The following ENTPD6 variants were observed in gnomAD, a reference collection of about 807,000 sequenced individuals.
ENTPD6 encodes ectonucleoside triphosphate diphosphohydrolase 6, also known as CD39 antigen-like 2.
Under a neutral mutation model 61.5 loss-of-function variants are expected in ENTPD6, and 46 were observed. The ratio of observed to expected loss-of-function variants is 0.75; its 90% confidence interval spans 0.59 to 0.96. The LOEUF (loss-of-function observed/expected upper bound fraction) is 0.96, where lower values mean the gene tolerates loss of function less well. Among genes scored for constraint, ENTPD6 ranks in the 40% least tolerant of loss-of-function variants. The pLI, the probability that ENTPD6 is intolerant of heterozygous loss-of-function variation, is 0.00. For synonymous variants in ENTPD6, 252 were observed against 255.5 expected (o/e 0.99, Z 0.13); for missense variants, 612 against 629.0 (o/e 0.97, Z 0.29).
chr20:25,225,756 C>G lies in ENTPD6; in HGVS notation c.*159C>G, dbSNP rs1001781989. The G allele has an allele frequency of 2.6e-5, 16 of 626,420 alleles. No homozygotes were observed. The highest frequency in any genetic ancestry group is 3.9e-5 in the Non-Finnish European group (14 of 357,238). 38.8% of individuals were successfully genotyped at this position (626,420 alleles called of 1,614,324 possible). A position where few individuals can be genotyped will look rare whatever the true frequency, so the allele number is the denominator to read the frequency against. On this transcript the variant is annotated 3_prime_UTR_variant, in exon 15 of 15. Transcript: ENST00000376652. ...TGCAGAAGGCCTGGTGCTGCCCTGG[C>G]ATCAGCCTCTTCCAGTCACATCTGG... is the stretch of plus-strand genomic sequence containing the variant.
intron 11 of ENTPD6, chr20:25,221,800 C>G: frequency 3.9e-6 from 1 of 255,154 alleles, no homozygotes; most frequent in East Asian, 1.1e-4. Flanking sequence ...AATGTTCAAA[C>G]GCCATTCCCA....
At chr20:25,220,163 A>G (rs1427531292) in intron 10 of ENTPD6, among the ~76,000 whole-genome samples, 16 of 152,108 alleles carry the variant, frequency 1.1e-4, no homozygotes, top group Admixed American at 1.0e-3. Context: ...CTGTTTTGTT[A>G]CCGGTTATTG....
At chr20:25,196,288 G>GAATCGTCCT in intron 1 of ENTPD6, 1 of 984,550 alleles carries the variant, frequency 1.0e-6, no homozygotes, top group Non-Finnish European at 1.2e-6. Context: ...GACTGAGGGT[G>GAATCGTCCT]TAAGGACGAT....
chr20:25,201,456 A>T (rs6083775), intron 1 of ENTPD6, among the ~76,000 whole-genome samples: 1,639 of 152,220 alleles, frequency 0.011, 9 homozygotes, highest in South Asian at 0.04. Context: ...TTTACTGTGT[A>T]TATGTTTATA....
At chr20:25,204,663 C>A (rs1053634082) in intron 1 of ENTPD6, among the ~76,000 whole-genome samples, 4 of 152,172 alleles carry the variant, frequency 2.6e-5, no homozygotes, top group Non-Finnish European at 4.4e-5. Flanking sequence ...AGCTCAGAGT[C>A]AGGTGAAACA....
At chr20:25,201,372 T>G (rs1193877381) in intron 1 of ENTPD6, among the ~76,000 whole-genome samples, 1 of 152,206 alleles carries the variant, frequency 6.6e-6, no homozygotes, top group African/African-American at 2.4e-5. Context: ...TATAATAATA[T>G]TACTATTATT....
In ENTPD6 at chr20:25,221,277, T is replaced by A. The variant is rs1245809979; in HGVS notation, c.989T>A (p.Phe330Tyr). ...GTCAGCCCTTGCTTGTCTCCCAGTT[T>A]CAAAGGAGAGTGGGAACACGCAGAA... ...ELVSPCLSPS[F>Y]KGEWEHAEVT... is the part of the protein sequence containing the mutation. The change falls in exon 11 of 15, where the codon TTC becomes TAC. Residue 330 changes from phenylalanine (F) to tyrosine (Y), a missense_variant. By Grantham distance (22) the Phe-to-Tyr change is conservative. Transcript: ENST00000376652. 1.2e-6 allele frequency: 2 copies of A among 1,614,060 alleles called. No individual in the cohort carries two copies. The highest frequency in any genetic ancestry group is 1.7e-6 in the Non-Finnish European group (2 of 1,180,030).
intron 1 of ENTPD6, among the ~76,000 whole-genome samples, chr20:25,201,567 T>C (rs1381286177): frequency 6.6e-6 from 1 of 152,234 alleles, no homozygotes; most frequent in Non-Finnish European, 1.5e-5. Context: ...TTGTCTGATA[T>C]TGGTACAGCA....
intron 1 of ENTPD6, chr20:25,196,271 C>T: frequency 9.6e-7 from 1 of 1,039,018 alleles, no homozygotes; most frequent in South Asian, 4.6e-5. Context: ...TCAGGCCGCT[C>T]GGACAGGACT....
rs539272286 is a variant in ENTPD6 at position 25,225,924 on chromosome 20, C to T, written c.*327C>T. On this transcript the variant is annotated 3_prime_UTR_variant, in exon 15 of 15. Transcript: ENST00000376652. Reference sequence around the variant, plus strand: ...CTGTCCCATCCCCATGCCCCGTCCGCGGGGCTGTGGCTGCTGCTGTGCATG... The same window carrying T: ...CTGTCCCATCCCCATGCCCCGTCCGTGGGGCTGTGGCTGCTGCTGTGCATG... 5 of 226,882 alleles carry T rather than the reference C, an allele frequency of 2.2e-5. No individual in the cohort carries two copies. The highest frequency in any genetic ancestry group is 1.9e-4 in the East Asian group (2 of 10,432). The allele number at this position is 226,882 out of a possible 1,614,324, so 14.1% of individuals were successfully genotyped here. A position where few individuals can be genotyped will look rare whatever the true frequency, so the allele number is the denominator to read the frequency against.
At chr20:25,221,004 G>A (rs1001194172) in intron 10 of ENTPD6, among the ~76,000 whole-genome samples, 14 of 152,178 alleles carry the variant, frequency 9.2e-5, no homozygotes, top group Non-Finnish European at 2.9e-5. Context: ...CCTGGCACCC[G>A]GCGTGCCCAG....
intron 1 of ENTPD6, among the ~76,000 whole-genome samples, chr20:25,199,382 C>T (rs2090835105): frequency 6.6e-6 from 1 of 152,204 alleles, no homozygotes; most frequent in Non-Finnish European, 1.5e-5. Context: ...TGGGTGGGCC[C>T]TGCCCTCTTT....
intron 9 of ENTPD6, 63 bp from the exon 10 acceptor site, chr20:25,218,487 G>A: frequency 6.6e-7 from 1 of 1,507,384 alleles, no homozygotes; most frequent in East Asian, 2.4e-5. Flanking sequence ...GGTCTCAGAG[G>A]TGAGCCTGCC....
intron 7 of ENTPD6, among the ~76,000 whole-genome samples, chr20:25,215,994 T>A (rs953188249): frequency 1.3e-5 from 2 of 152,168 alleles, no homozygotes; most frequent in South Asian, 4.1e-4. Flanking sequence ...AGGACCCCCA[T>A]CCTCTCATTT....
chr20:25,212,026 T>C (rs775730404), intron 4 of ENTPD6, among the ~76,000 whole-genome samples: 1 of 152,132 alleles, frequency 6.6e-6, no homozygotes, highest in Non-Finnish European at 1.5e-5. Flanking sequence ...CCCAGGGTGG[T>C]CTTGACCTCC....
rs11697178 is a variant in ENTPD6 at position 25,227,589 on chromosome 20, G to A, written c.*1992G>A. Among the ~76,000 whole-genome samples, 1 of 152,254 alleles carries A rather than the reference G, an allele frequency of 6.6e-6. No homozygotes were observed. Among genetic ancestry groups the A allele is most frequent in the African/African-American group, 2.4e-5 (1 of 41,472 alleles). ...ATAGCTACACGTGCACATCGTAAAA[G>A]AAGCAAACTAGGGTTGCTTGAAAAT... On this transcript the variant is annotated 3_prime_UTR_variant, in exon 15 of 15. Transcript: ENST00000376652.
Position 25,195,759 on chromosome 20 carries a change from A to AG in ENTPD6, c.-122dup, listed in dbSNP as rs1400022395. 2.1e-6 allele frequency: 2 copies of AG among 936,290 alleles called. No homozygotes were observed. The highest frequency in any genetic ancestry group is 2.8e-6 in the Non-Finnish European group (2 of 711,170). The allele number at this position is 936,290 out of a possible 1,614,324, so 58.0% of individuals were successfully genotyped here. A position where few individuals can be genotyped will look rare whatever the true frequency, so the allele number is the denominator to read the frequency against. ...TCGTGGGGTCGTATCCCGCGGGTGG[A>AG]GGCCGGGGTGGCGCCGGCCGGGGCG... On this transcript the variant is annotated 5_prime_UTR_variant, in exon 1 of 15. Coordinates refer to ENST00000376652, the MANE Select transcript of ENTPD6 (RefSeq NM_001247.5).
At chr20:25,211,424 G>A (rs534579825) in intron 4 of ENTPD6, among the ~76,000 whole-genome samples, 1 of 152,314 alleles carries the variant, frequency 6.6e-6, no homozygotes, top group South Asian at 2.1e-4. Context: ...TAGCACAGAT[G>A]TCCCTCCTAC....
Position 25,226,406 on chromosome 20 carries a change from C to T in ENTPD6, c.*809C>T, listed in dbSNP as rs1389220345. 6.5e-6 allele frequency: 1 copy of T among 152,672 alleles called. No individual in the cohort carries two copies. The highest frequency in any genetic ancestry group is 1.5e-5 in the Non-Finnish European group (1 of 68,082). 9.5% of individuals were successfully genotyped at this position (152,672 alleles called of 1,614,324 possible). ...CTGAGCCCCCTTTTCTGGACACCAA[C>T]TGTGTCCTGTGAATGTATCGCTACT... On this transcript the variant is annotated 3_prime_UTR_variant, in exon 15 of 15. Coordinates refer to ENST00000376652, the MANE Select transcript of ENTPD6 (RefSeq NM_001247.5).
Sources: gnomAD v4.1 joint callset for allele counts (sites outside exome capture counted in the v4.1 genomes callset) on GRCh38, gnomAD v4.1.1 for gene constraint, MANE v1.5 for transcripts, NCBI Gene and HGNC (gene_info 2026-07-23, HGNC 2026-07-21) for gene names.